Variants in FNIP1 observed in about 807,000 individuals in gnomAD.
The protein encoded by FNIP1 is folliculin interacting protein 1, also known as folliculin-interacting protein 1.
A neutral mutation model predicts 124.5 loss-of-function variants in FNIP1; 40 were observed. The ratio of observed to expected loss-of-function variants is 0.32; its 90% CI spans 0.25 to 0.42. The LOEUF (loss-of-function observed/expected upper bound fraction) is 0.42. Ranked by LOEUF, FNIP1 falls within the 10% of genes least tolerant of loss-of-function variation. The probability of loss-of-function intolerance (pLI) is 1.00; values close to 1 mark genes in which losing one functional copy is unlikely to be tolerated. For missense variants in FNIP1, 1,176 were observed against 1,403.7 expected (o/e 0.84, Z 2.59); for synonymous variants, 472 against 470.6 (o/e 1.00, Z -0.04).
intron 1 of FNIP1, among the ~76,000 whole-genome samples, chr5:131,763,288 T>TAC (rs34544569): frequency 0.095 from 14,119 of 148,194 alleles, 752 homozygotes; most frequent in East Asian, 0.15. Context: ...CAAATGCAAA[T>TAC]ACACACACAC....
In FNIP1 at chr5:131,786,375, C is replaced by A. The variant is rs1166082300; in HGVS notation, c.92+10455G>T. ...TTAAAACACAAGCAAGTATCTGCCA[C>A]AATGAAGAAATACAGGAAAAACATG... On this transcript the variant is annotated intron_variant, in intron 1 of 17. Coordinates refer to ENST00000510461, the MANE Select transcript of FNIP1 (RefSeq NM_133372.3). Among the ~76,000 whole-genome samples, 3 of 152,120 alleles carry A rather than the reference C, an allele frequency of 2.0e-5. No individual in the cohort carries two copies. In the East Asian group the frequency reaches 5.8e-4, roughly 29 times the overall value.
chr5:131,771,507 C>T (rs1410113869), intron 1 of FNIP1, among the ~76,000 whole-genome samples: 1 of 152,102 alleles, frequency 6.6e-6, no homozygotes, highest in Non-Finnish European at 1.5e-5. Context: ...GGAACATGTT[C>T]CAAAACAGGA....
rs961005996 is a variant in FNIP1 at position 131,643,438 on chromosome 5, A to G, written c.*1247T>C. 7.2e-5 allele frequency: 11 copies of G among 152,794 alleles called. No individual in the cohort carries two copies. The highest frequency in any genetic ancestry group is 7.2e-4 in the Admixed American group (11 of 15,284). 9.5% of individuals were successfully genotyped at this position (152,794 alleles called of 1,614,324 possible). A position where few individuals can be genotyped will look rare whatever the true frequency, so the allele number is the denominator to read the frequency against. On this transcript the variant is annotated 3_prime_UTR_variant, in exon 18 of 18. Coordinates refer to ENST00000510461, the MANE Select transcript of FNIP1 (RefSeq NM_133372.3). ...AGTCTCTTAGACCAGATAAGCAAAG[A>G]ATAAACTATAATGTAGTACTCAAGT...
chr5:131,651,086 TAAAAA>T (rs558940497), intron 16 of FNIP1, among the ~76,000 whole-genome samples: 1 of 145,084 alleles, frequency 6.9e-6, no homozygotes, highest in Non-Finnish European at 1.5e-5. Context: ...CTGGATGGAT[TAAAAA>T]AAAAAAACAG....
At chr5:131,785,818 A>G (rs1431381666) in intron 1 of FNIP1, among the ~76,000 whole-genome samples, 2 of 152,238 alleles carry the variant, frequency 1.3e-5, no homozygotes, top group Non-Finnish European at 2.9e-5. Flanking sequence ...CAGCCTGGGC[A>G]GCAAAGTGAG....
chr5:131,752,562 C>T (rs1259555019), intron 1 of FNIP1, among the ~76,000 whole-genome samples: 1 of 148,308 alleles, frequency 6.7e-6, no homozygotes, highest in African/African-American at 2.5e-5. Context: ...AAGACCAGTC[C>T]AGAGATTGGA....
At chr5:131,665,512 G>T (rs1247756255) in intron 15 of FNIP1, among the ~76,000 whole-genome samples, 1 of 150,636 alleles carries the variant, frequency 6.6e-6, no homozygotes, top group African/African-American at 2.4e-5. Context: ...GTTTTTCCAT[G>T]TAGTCACATA....
intron 1 of FNIP1, among the ~76,000 whole-genome samples, chr5:131,785,081 T>TATATATATC (rs1446278167): frequency 8.3e-5 from 1 of 12,086 alleles, no homozygotes; most frequent in Admixed American, 8.0e-4. Context: ...ATATATGACA[T>TATATATATC]ATATATATGA....
intron 5 of FNIP1, among the ~76,000 whole-genome samples, chr5:131,717,805 CT>C (rs1307938714): frequency 6.6e-6 from 1 of 152,116 alleles, no homozygotes; most frequent in Admixed American, 6.5e-5. Flanking sequence ...TTAATTTCTA[CT>C]TTAGTAGATC....
At chr5:131,751,206 G>A (rs1002265905) in intron 1 of FNIP1, among the ~76,000 whole-genome samples, 2 of 152,068 alleles carry the variant, frequency 1.3e-5, no homozygotes, top group African/African-American at 4.8e-5. Flanking sequence ...TACAAGCCAT[G>A]TCTTCTACCT....
At chr5:131,790,411 G>A (rs1394498481) in intron 1 of FNIP1, among the ~76,000 whole-genome samples, 4 of 150,296 alleles carry the variant, frequency 2.7e-5, no homozygotes, top group Admixed American at 2.7e-4. Flanking sequence ...CCCAGGAGGC[G>A]GAGGTTGCAG....
chr5:131,715,758 A>G (rs990653476), intron 6 of FNIP1, among the ~76,000 whole-genome samples: 4 of 152,110 alleles, frequency 2.6e-5, no homozygotes, highest in Admixed American at 2.0e-4. Flanking sequence ...ATTTGAATAA[A>G]CACAAATTAT....
chr5:131,742,968 T>C (rs1770559712), intron 2 of FNIP1, among the ~76,000 whole-genome samples: 1 of 152,142 alleles, frequency 6.6e-6, no homozygotes, highest in Non-Finnish European at 1.5e-5. Flanking sequence ...CAATGTGCAG[T>C]GTAGGAAATA....
chr5:131,777,718 A>G (rs1269541621), intron 1 of FNIP1, among the ~76,000 whole-genome samples: 2 of 152,230 alleles, frequency 1.3e-5, no homozygotes, highest in African/African-American at 4.8e-5. Flanking sequence ...AGAAATGCAA[A>G]CTATCAAATC....
At chr5:131,732,778 G>C (rs1181813772) in intron 2 of FNIP1, among the ~76,000 whole-genome samples, 1 of 152,246 alleles carries the variant, frequency 6.6e-6, no homozygotes, top group Non-Finnish European at 1.5e-5. Flanking sequence ...CTCCAGCTTT[G>C]TTCTTTTGGC....
intron 1 of FNIP1, among the ~76,000 whole-genome samples, chr5:131,751,767 G>A (rs1017484516): frequency 1.2e-4 from 18 of 152,164 alleles, no homozygotes; most frequent in East Asian, 1.9e-4. Context: ...AAAAGGCTAC[G>A]TATGATGATT....
chr5:131,759,024 T>C (rs2149570778), intron 1 of FNIP1, among the ~76,000 whole-genome samples: 1 of 152,278 alleles, frequency 6.6e-6, no homozygotes, highest in Non-Finnish European at 1.5e-5. Context: ...TGTTAATCCC[T>C]ATTAAATAAA....
intron 11 of FNIP1, among the ~76,000 whole-genome samples, chr5:131,692,020 G>A (rs1768496715): frequency 6.6e-6 from 1 of 151,484 alleles, no homozygotes; most frequent in African/African-American, 2.4e-5. Context: ...AGGGCTGTAA[G>A]AAAGACACAA....
chr5:131,678,059 T>C (rs1007240713), intron 12 of FNIP1, among the ~76,000 whole-genome samples, 187 bp from the exon 13 acceptor site: 9 of 152,116 alleles, frequency 5.9e-5, no homozygotes, highest in African/African-American at 2.2e-4. Context: ...TAGTTTCTGG[T>C]TGAGGAGGAG....
Sources: allele counts gnomAD v4.1 joint callset (sites outside exome capture counted in the v4.1 genomes callset), GRCh38; gene constraint gnomAD v4.1.1; transcripts MANE v1.5; gene names NCBI Gene and HGNC (gene_info 2026-07-23, HGNC 2026-07-21).